The following FAM135B variants were observed in gnomAD, a reference collection of about 807,000 sequenced individuals.
FAM135B encodes family with sequence similarity 135 member B, also known as protein FAM135B.
FAM135B carries 43 observed loss-of-function variants against 127.7 expected under a neutral mutation model. The ratio of observed to expected loss-of-function variants is 0.34; its 90% CI spans 0.26 to 0.43. The LOEUF (loss-of-function observed/expected upper bound fraction) is 0.43. Among genes scored for constraint, FAM135B ranks in the 20% least tolerant of loss-of-function variants. FAM135B has a pLI of 1.00. For synonymous variants in FAM135B, 670 were observed against 665.1 expected, an observed-to-expected ratio of 1.01 and a Z score of -0.11; for missense variants, 1,558 against 1,725.6, an observed-to-expected ratio of 0.90 and a Z score of 1.72.
chr8:138,285,563 C>T (rs551415527), intron 3 of FAM135B, among the ~76,000 whole-genome samples: 2 of 152,274 alleles, frequency 1.3e-5, no homozygotes, highest in Admixed American at 6.5e-5. Context: ...AAAAATCTAG[C>T]ACAGTGCCCA....
At chr8:138,359,520 C>T (rs576804268) in intron 2 of FAM135B, among the ~76,000 whole-genome samples, 4 of 152,272 alleles carry the variant, frequency 2.6e-5, no homozygotes, top group African/African-American at 7.2e-5. Flanking sequence ...ATGCTGACTG[C>T]CCAGCTCTCT....
At chr8:138,412,035 T>C (rs1159160398) in intron 1 of FAM135B, among the ~76,000 whole-genome samples, 2 of 152,018 alleles carry the variant, frequency 1.3e-5, no homozygotes, top group African/African-American at 4.8e-5. Context: ...GACATAAAAA[T>C]TGCAACAATA....
intron 1 of FAM135B, among the ~76,000 whole-genome samples, chr8:138,402,549 C>A (rs955158191): frequency 1.3e-5 from 2 of 152,106 alleles, no homozygotes; most frequent in African/African-American, 4.8e-5. Context: ...TTCAGTGATT[C>A]CCCTACATTA....
chr8:138,163,392 C>T (rs923912483), intron 12 of FAM135B, among the ~76,000 whole-genome samples: 6 of 152,098 alleles, frequency 3.9e-5, no homozygotes, highest in Non-Finnish European at 8.8e-5. Context: ...TGGCACATGG[C>T]ACATGTTTAG....
chr8:138,323,430 G>A (rs1827586165), intron 2 of FAM135B, among the ~76,000 whole-genome samples: 1 of 152,170 alleles, frequency 6.6e-6, no homozygotes, highest in Non-Finnish European at 1.5e-5. Flanking sequence ...AAAGCAGACA[G>A]GAAATGACCC....
At chr8:138,303,190 G>A (rs1826008923) in intron 3 of FAM135B, among the ~76,000 whole-genome samples, 1 of 152,110 alleles carries the variant, frequency 6.6e-6, no homozygotes, top group Non-Finnish European at 1.5e-5. Flanking sequence ...CAACCCAAAT[G>A]CCCATCAATG....
intron 4 of FAM135B, among the ~76,000 whole-genome samples, chr8:138,263,017 A>G (rs1362555822): frequency 6.6e-6 from 1 of 151,882 alleles, no homozygotes; most frequent in African/African-American, 2.4e-5. Flanking sequence ...GGTTATCAGA[A>G]CTGGAGAGAA....
At chr8:138,484,042 A>G (rs1020463029) in intron 1 of FAM135B, among the ~76,000 whole-genome samples, 2 of 152,222 alleles carry the variant, frequency 1.3e-5, no homozygotes, top group African/African-American at 4.8e-5. Flanking sequence ...GTATAAAGTG[A>G]AAGGATGAAC....
At position 138,243,301 on chromosome 8, in the gene FAM135B, C is replaced by G. The variant is rs1820997133; in HGVS notation, c.543-233G>C. 6.6e-6 allele frequency among the ~76,000 whole-genome samples: 1 copy of G among 152,186 alleles called. No homozygotes were observed. Among genetic ancestry groups the G allele is most frequent in the Middle Eastern group, 3.2e-3 (1 of 316 alleles). Reference sequence around the variant, plus strand: ...GATGATACACATCCTACAATGTGTGCATGTAAATGCCCACCCTAAATGCCA... The same window carrying G: ...GATGATACACATCCTACAATGTGTGGATGTAAATGCCCACCCTAAATGCCA... On this transcript the variant is annotated intron_variant, in intron 6 of 19. Coordinates refer to ENST00000395297, the MANE Select transcript of FAM135B (RefSeq NM_015912.4). This position sits in a 1 kb window ranked among gnomAD's most constrained non-coding sequence, Gnocchi z 7.5.
chr8:138,371,023 G>GT (rs1198620769), intron 1 of FAM135B, among the ~76,000 whole-genome samples: 2 of 152,302 alleles, frequency 1.3e-5, no homozygotes, highest in Non-Finnish European at 2.9e-5. Context: ...AGGGATCTGT[G>GT]TTTTCACAAG....
intron 11 of FAM135B, among the ~76,000 whole-genome samples, chr8:138,170,011 C>A (rs529206573): frequency 2.6e-5 from 4 of 152,286 alleles, no homozygotes; most frequent in Admixed American, 2.0e-4. Flanking sequence ...TTGCAGGAAA[C>A]TGAGGAGTCT....
intron 6 of FAM135B, among the ~76,000 whole-genome samples, chr8:138,249,232 A>AATATTCTTCACAGG (rs1162154405): frequency 2.2e-4 from 33 of 152,142 alleles, no homozygotes; most frequent in Non-Finnish European, 4.6e-4. Flanking sequence ...ATCCTGTGGG[A>AATATTCTTCACAGG]ATATTCTTCA....
chr8:138,232,645 A>T (rs188196558), intron 7 of FAM135B, among the ~76,000 whole-genome samples: 1 of 152,306 alleles, frequency 6.6e-6, no homozygotes, highest in African/African-American at 2.4e-5. Flanking sequence ...TAATGGGGGA[A>T]AGTGCAAAAG....
chr8:138,217,583 G>C (rs568273884), intron 7 of FAM135B, among the ~76,000 whole-genome samples: 2 of 151,450 alleles, frequency 1.3e-5, no homozygotes, highest in Non-Finnish European at 2.9e-5. Context: ...GGCGCCCACC[G>C]CCACACCCAG....
intron 3 of FAM135B, among the ~76,000 whole-genome samples, chr8:138,290,809 C>T (rs755673188): frequency 1.1e-4 from 17 of 152,088 alleles, no homozygotes; most frequent in African/African-American, 4.1e-4. Flanking sequence ...AGCAGGTGTT[C>T]GCATGAGATG....
chr8:138,162,901 A>G (rs1394292855), intron 12 of FAM135B, among the ~76,000 whole-genome samples: 2 of 152,228 alleles, frequency 1.3e-5, no homozygotes, highest in Non-Finnish European at 2.9e-5. Context: ...ACCACAGGTC[A>G]TAGATTCTTG....
At chr8:138,161,803 G>A (rs1314370075) in intron 12 of FAM135B, among the ~76,000 whole-genome samples, 1 of 152,160 alleles carries the variant, frequency 6.6e-6, no homozygotes, top group Admixed American at 6.5e-5. Context: ...CCTTCTCTAA[G>A]AAATTCCGAG....
chr8:138,142,242 C>T (rs11166785), intron 16 of FAM135B, among the ~76,000 whole-genome samples: 101,845 of 148,744 alleles, frequency 0.68, 34,871 homozygotes, highest in East Asian at 0.75. Flanking sequence ...AAAAGTAGTG[C>T]TGATTGAAAC....
intron 1 of FAM135B, among the ~76,000 whole-genome samples, chr8:138,449,856 T>C (rs919208128): frequency 2.6e-5 from 4 of 152,174 alleles, no homozygotes; most frequent in African/African-American, 9.7e-5. Flanking sequence ...TTAGGATTCA[T>C]TCTTCATCAA....
Sources: allele counts gnomAD v4.1 joint callset (sites outside exome capture counted in the v4.1 genomes callset), GRCh38; gene constraint gnomAD v4.1.1; non-coding constraint Gnocchi (gnomAD v3.1); transcripts MANE v1.5; gene names NCBI Gene and HGNC (gene_info 2026-07-23, HGNC 2026-07-21).